The following CADM2 variants were observed in gnomAD, a reference collection of about 807,000 sequenced individuals.
CADM2 encodes immunoglobulin superfamily member 4D.
Under a neutral mutation model 49.8 loss-of-function variants are expected in CADM2, and 12 were observed. The observed-to-expected ratio is 0.24, with a 90% CI of 0.15 to 0.39. CADM2 has a LOEUF of 0.39. CADM2 is among the 10% of genes least tolerant of loss of function. CADM2 has a pLI of 1.00. For missense variants in CADM2, 378 were observed against 492.3 expected (o/e 0.77, Z 2.20); for synonymous variants, 214 against 175.4 (o/e 1.22, Z -1.74).
At chr3:85,206,183 C>A (rs1458107867) in intron 1 of CADM2, among the ~76,000 whole-genome samples, 1 of 151,918 alleles carries the variant, frequency 6.6e-6, no homozygotes, top group Non-Finnish European at 1.5e-5. Context: ...TTATTAATCT[C>A]ACTTTCCTCA....
chr3:85,034,663 C>T (rs985880477), intron 1 of CADM2, among the ~76,000 whole-genome samples: 1 of 151,976 alleles, frequency 6.6e-6, no homozygotes, highest in South Asian at 2.1e-4. Context: ...TTTTGAGGAA[C>T]CTCCATACTG....
intron 1 of CADM2, among the ~76,000 whole-genome samples, chr3:85,128,312 T>C: frequency 6.6e-6 from 1 of 152,174 alleles, no homozygotes; most frequent in East Asian, 1.9e-4. Flanking sequence ...TCCTTGACCT[T>C]GCAATCAATA....
chr3:85,892,480 A>T (rs1327521395), intron 5 of CADM2, among the ~76,000 whole-genome samples: 1 of 152,120 alleles, frequency 6.6e-6, no homozygotes, highest in Non-Finnish European at 1.5e-5. Context: ...TAATTGAATC[A>T]TGGGGGTGTG....
chr3:85,547,448 G>T (rs921937774), intron 1 of CADM2, among the ~76,000 whole-genome samples: 1 of 151,948 alleles, frequency 6.6e-6, no homozygotes, highest in African/African-American at 2.4e-5. Context: ...TAATTATTCT[G>T]CAAGACTTGC....
At chr3:85,117,370 A>G (rs1293980719) in intron 1 of CADM2, among the ~76,000 whole-genome samples, 1 of 152,180 alleles carries the variant, frequency 6.6e-6, no homozygotes. Context: ...TCTATTTCTC[A>G]AAGAAAGTTA....
At chr3:85,219,686 A>AT (rs1288185139) in intron 1 of CADM2, among the ~76,000 whole-genome samples, 1 of 148,982 alleles carries the variant, frequency 6.7e-6, no homozygotes, top group African/African-American at 2.6e-5. Context: ...CTTGATATTG[A>AT]TTTTTAAAAA....
intron 1 of CADM2, among the ~76,000 whole-genome samples, chr3:85,360,394 AG>A (rs2032272372): frequency 6.6e-6 from 1 of 152,220 alleles, no homozygotes; most frequent in Non-Finnish European, 1.5e-5. Flanking sequence ...GACAAATATA[AG>A]TAAAAACATA....
chr3:85,291,259 G>A (rs1325777821), intron 1 of CADM2, among the ~76,000 whole-genome samples: 1 of 151,762 alleles, frequency 6.6e-6, no homozygotes, highest in East Asian at 1.9e-4. Flanking sequence ...AAAGAAATGA[G>A]CAAAGCCTCC....
chr3:85,736,683 T>G (rs769024397), intron 2 of CADM2, among the ~76,000 whole-genome samples: 6 of 152,122 alleles, frequency 3.9e-5, no homozygotes, highest in Non-Finnish European at 8.8e-5. Context: ...TTTCTTATTC[T>G]AAGAACAATG....
At chr3:85,573,150 G>T (rs973977439) in intron 1 of CADM2, among the ~76,000 whole-genome samples, 2 of 148,614 alleles carry the variant, frequency 1.3e-5, no homozygotes, top group African/African-American at 2.5e-5. Flanking sequence ...ATATAAAAAC[G>T]TGCTTATTTT....
At chr3:86,028,984 G>A (rs2107131940) in intron 8 of CADM2, among the ~76,000 whole-genome samples, 1 of 152,274 alleles carries the variant, frequency 6.6e-6, no homozygotes, top group East Asian at 1.9e-4. Context: ...GATATGGCTG[G>A]ATAGGGATAC....
intron 1 of CADM2, among the ~76,000 whole-genome samples, chr3:85,382,318 A>T (rs2033953078): frequency 6.6e-6 from 1 of 152,166 alleles, no homozygotes; most frequent in South Asian, 2.1e-4. Context: ...GTAAAGAATA[A>T]GCGTAGAGAG....
intron 8 of CADM2, among the ~76,000 whole-genome samples, chr3:86,063,820 A>C (rs1738983407): frequency 6.6e-6 from 1 of 152,122 alleles, no homozygotes; most frequent in African/African-American, 2.4e-5. Flanking sequence ...CTGTCCGTTA[A>C]ATAGATCTGT....
At chr3:85,416,153 A>C (rs1310418715) in intron 1 of CADM2, among the ~76,000 whole-genome samples, 1 of 152,160 alleles carries the variant, frequency 6.6e-6, no homozygotes, top group Non-Finnish European at 1.5e-5. Flanking sequence ...ATTCTTTTGT[A>C]ATGTGAATAA....
At chr3:85,917,777 A>T (rs1436220316) in intron 6 of CADM2, among the ~76,000 whole-genome samples, 5 of 152,042 alleles carry the variant, frequency 3.3e-5, no homozygotes, top group African/African-American at 7.2e-5. Flanking sequence ...CATTTTCACG[A>T]TATTGATTCT....
intron 1 of CADM2, among the ~76,000 whole-genome samples, chr3:85,387,895 G>A (rs1443198763): frequency 6.6e-6 from 1 of 152,202 alleles, no homozygotes; most frequent in East Asian, 1.9e-4. Flanking sequence ...TCTAAATATA[G>A]TTCCTTTGCT....
intron 1 of CADM2, among the ~76,000 whole-genome samples, chr3:85,177,543 G>C (rs1036907825): frequency 7.2e-5 from 11 of 151,760 alleles, no homozygotes; most frequent in Admixed American, 6.6e-4. Flanking sequence ...CATATAGAAA[G>C]TCTAAATATG....
intron 1 of CADM2, among the ~76,000 whole-genome samples, chr3:85,092,866 G>A (rs1054230151): frequency 5.3e-5 from 8 of 152,180 alleles, no homozygotes; most frequent in Non-Finnish European, 1.2e-4. Flanking sequence ...TTACGACAAG[G>A]TGCATATTCT....
At chr3:85,101,419 C>A (rs1007223065) in intron 1 of CADM2, among the ~76,000 whole-genome samples, 1 of 151,950 alleles carries the variant, frequency 6.6e-6, no homozygotes, top group African/African-American at 2.4e-5. Context: ...GTATAAAGGC[C>A]TCCAAAAAAA....
Sources: gnomAD v4.1 joint callset for allele counts (sites outside exome capture counted in the v4.1 genomes callset) on GRCh38, gnomAD v4.1.1 for gene constraint, MANE v1.5 for transcripts, NCBI Gene and HGNC (gene_info 2026-07-23, HGNC 2026-07-21) for gene names.